SNED1: variants seen among roughly 807,000 people sequenced by gnomAD.
The protein encoded by SNED1 is sushi, nidogen and EGF-like domain-containing protein 1.
SNED1 carries 81 observed loss-of-function variants against 166.7 expected under a neutral mutation model. The ratio of observed to expected loss-of-function variants is 0.49; its 90% CI spans 0.41 to 0.58. The LOEUF (loss-of-function observed/expected upper bound fraction) is 0.58, where lower values mean the gene tolerates loss of function less well. Ranked by LOEUF, SNED1 falls within the 20% of genes least tolerant of loss-of-function variation. The pLI is 0.00. For synonymous variants in SNED1, 762 were observed against 822.0 expected (o/e 0.93, Z 1.25); for missense variants, 1,604 against 2,000.2 (o/e 0.80, Z 3.78).
chr2:241,047,174 A>C (rs62186640), intron 8 of SNED1, among the ~76,000 whole-genome samples: 1 of 54,398 alleles, frequency 1.8e-5, no homozygotes, highest in Non-Finnish European at 3.3e-5. Context: ...AAAAAAGTAA[A>C]TTAGGTAAAC....
intron 1 of SNED1, among the ~76,000 whole-genome samples, chr2:241,001,638 G>T (rs891823634): frequency 2.0e-5 from 3 of 152,234 alleles, no homozygotes; most frequent in Admixed American, 6.5e-5. Context: ...GCATTAAGAC[G>T]GAGCTTGCCG....
At chr2:241,061,712 C>G (rs928407815) in intron 16 of SNED1, among the ~76,000 whole-genome samples, 1 of 151,918 alleles carries the variant, frequency 6.6e-6, no homozygotes, top group African/African-American at 2.4e-5. Flanking sequence ...TAGTGAAACC[C>G]CATCTCTACT....
chr2:241,079,344 G>A (rs770753127), intron 27 of SNED1, among the ~76,000 whole-genome samples: 16 of 151,312 alleles, frequency 1.1e-4, no homozygotes, highest in African/African-American at 1.9e-4. Context: ...CCCAGGAGGC[G>A]GAGCTTGCAG....
chr2:241,078,487 G>C (rs1435059739), intron 27 of SNED1, among the ~76,000 whole-genome samples: 1 of 151,844 alleles, frequency 6.6e-6, no homozygotes, highest in East Asian at 1.9e-4. Context: ...CATGCTGCAT[G>C]CTACAACATG....
intron 31 of SNED1, chr2:241,088,676 G>A (rs570561491): frequency 4.3e-6 from 2 of 463,114 alleles, no homozygotes; most frequent in East Asian, 3.5e-5. Flanking sequence ...CTCTCTCAAG[G>A]GAAATGTGGC....
chr2:240,998,687 G>A lies in SNED1; in HGVS notation c.-151G>A, dbSNP rs996197103. ...CGGCGAGAGCGCGGCCCGGCCGAACGGGCGCGGGACGCGGAGCCCCCGACG... is the reference window on the plus strand; with the variant it reads ...CGGCGAGAGCGCGGCCCGGCCGAACAGGCGCGGGACGCGGAGCCCCCGACG... On this transcript the variant is annotated 5_prime_UTR_variant, in exon 1 of 32. Coordinates refer to ENST00000310397, the MANE Select transcript of SNED1 (RefSeq NM_001080437.3). 2 of 167,648 alleles carry A rather than the reference G, an allele frequency of 1.2e-5. No homozygotes were observed. The highest frequency in any genetic ancestry group is 2.4e-5 in the Non-Finnish European group (2 of 84,216). 10.4% of individuals were successfully genotyped at this position (167,648 alleles called of 1,614,324 possible).
At chr2:241,089,494 G>T (rs2063769406) in intron 31 of SNED1, 1 of 1,471,038 alleles carries the variant, frequency 6.8e-7, no homozygotes, top group East Asian at 2.5e-5. Flanking sequence ...AAAGGTCTGG[G>T]CCGGAGCTCC....
intron 27 of SNED1, among the ~76,000 whole-genome samples, chr2:241,079,039 A>G (rs1224372617): frequency 2.0e-5 from 3 of 147,296 alleles, no homozygotes. Flanking sequence ...GCTTGAACCC[A>G]GGAGGCGGAG....
chr2:241,043,824 T>C (rs1376273603), intron 8 of SNED1, among the ~76,000 whole-genome samples: 1 of 152,198 alleles, frequency 6.6e-6, no homozygotes, highest in Non-Finnish European at 1.5e-5. Flanking sequence ...ATAGACAATA[T>C]GTAAATGAAT....
Position 241,071,667 on chromosome 2 carries a change from G to T in SNED1, c.3681G>T (p.Glu1227Asp), listed in dbSNP as rs776085549. The change falls in exon 25 of 32, where the codon GAG becomes GAT. Residue 1227 changes from glutamate to aspartate, a missense_variant. By Grantham distance (45) the Glu-to-Asp change is conservative. Around this residue, in one of 2 missense-constraint regions of SNED1, gnomAD observed 367 missense variants for 379.4 expected, o/e 0.97. Coordinates refer to ENST00000310397, the MANE Select transcript of SNED1 (RefSeq NM_001080437.3). ...GACCGCCCCCGGCGCGCCTGCCGGA[G>T]CTGCGCCTGCTCAATGACCACAGCG... ...KNRPPPARLP[E>D]LRLLNDHSAP... is the part of the protein sequence containing the mutation. The T allele has an allele frequency of 5.1e-6, 8 of 1,560,760 alleles. No individual in the cohort carries two copies. In the African/African-American group the frequency reaches 1.1e-4, roughly 21 times the overall value.
At chr2:241,048,935 T>C in intron 10 of SNED1, 87 bp from the exon 11 acceptor site, 1 of 1,307,214 alleles carries the variant, frequency 7.6e-7, no homozygotes, top group Non-Finnish European at 1.1e-6. Context: ...GGCCACTGGG[T>C]CTTGGGAGGC....
At position 241,088,404 on chromosome 2, in the gene SNED1, T is replaced by A. The variant is rs2125335568; in HGVS notation, c.*1+2T>A. ...GTCAGACACTGGAGAAATCTTAAGG[T>A]ACGTCCCTGCTGCTCCCGCCCCACT... On this transcript the variant is annotated splice_donor_variant, in intron 31 of 31. Coordinates refer to ENST00000310397, the MANE Select transcript of SNED1 (RefSeq NM_001080437.3). LOFTEE classifies it low-confidence loss of function (3UTR_SPLICE). The A allele has an allele frequency of 6.2e-7, 1 of 1,611,010 alleles. No individual in the cohort carries two copies. Among genetic ancestry groups the A allele is most frequent in the Non-Finnish European group, 8.5e-7 (1 of 1,177,272 alleles).
At chr2:241,023,973 C>A (rs1467019516) in intron 1 of SNED1, among the ~76,000 whole-genome samples, 1 of 144,276 alleles carries the variant, frequency 6.9e-6, no homozygotes, top group African/African-American at 2.6e-5. Flanking sequence ...GCAGCCTCCA[C>A]CCCCCGGGTT....
At chr2:241,028,340 G>A (rs1217195394) in intron 1 of SNED1, among the ~76,000 whole-genome samples, 1 of 152,138 alleles carries the variant, frequency 6.6e-6, no homozygotes, top group East Asian at 1.9e-4. Context: ...TGCCTTTAGT[G>A]TAATATCCAA....
At chr2:241,070,449 G>A (rs771788948) in intron 24 of SNED1, among the ~76,000 whole-genome samples, 3 of 152,234 alleles carry the variant, frequency 2.0e-5, no homozygotes, top group Admixed American at 6.5e-5. Flanking sequence ...AGTTTGTGCC[G>A]GACCCTCCCG....
intron 10 of SNED1, 93 bp from the exon 11 acceptor site, chr2:241,048,929 A>C: frequency 7.8e-7 from 1 of 1,275,520 alleles, no homozygotes; most frequent in East Asian, 2.5e-5. Context: ...TGTTGGGGCC[A>C]CTGGGTCTTG....
At chr2:241,049,261 C>A in intron 11 of SNED1, 126 bp downstream of exon 11, 2 of 674,006 alleles carry the variant, frequency 3.0e-6, no homozygotes, top group Non-Finnish European at 2.6e-6. Context: ...GAGCTGGCAC[C>A]TGGGGAAGCC....
At position 241,052,124 on chromosome 2, in the gene SNED1, C is replaced by A; in HGVS notation, c.1936C>A (p.Pro646Thr). Reference sequence around the variant, plus strand: ...CATTGGCAAATACAAGTGTGACTGTCCCCCAGGCTTCTCCGGGCGGCACTG... The same window carrying A: ...CATTGGCAAATACAAGTGTGACTGTACCCCAGGCTTCTCCGGGCGGCACTG... ...HYIGKYKCDC[P>T]PGFSGRHCEI... Residue 646 changes from proline to threonine, a missense_variant, in exon 14 of 32, where the codon CCC becomes ACC. Pro to Thr is a conservative substitution (Grantham distance 38, BLOSUM62 -1). Transcript: ENST00000310397. 6.2e-7 allele frequency: 1 copy of A among 1,613,800 alleles called. No homozygotes were observed. Among genetic ancestry groups the A allele is most frequent in the Non-Finnish European group, 8.5e-7 (1 of 1,179,774 alleles).
chr2:241,010,799 C>T (rs2060367642), intron 1 of SNED1: 1 of 152,852 alleles, frequency 6.5e-6, no homozygotes, highest in Non-Finnish European at 1.5e-5. Flanking sequence ...GGGACTGTAA[C>T]ATCCAGGTGG....
Sources: gnomAD v4.1 joint callset for allele counts (sites outside exome capture counted in the v4.1 genomes callset) on GRCh38, gnomAD v4.1.1 for gene constraint, gnomAD v4.1.1 regional missense constraint, MANE v1.5 for transcripts, NCBI Gene and HGNC (gene_info 2026-07-23, HGNC 2026-07-21) for gene names.